KIAA0825: variants seen among roughly 807,000 people sequenced by gnomAD.
The protein encoded by KIAA0825 is uncharacterized protein KIAA0825.
Under a neutral mutation model 147.6 loss-of-function variants are expected in KIAA0825, and 119 were observed. The observed-to-expected ratio is 0.81, with a 90% CI of 0.69 to 0.94. KIAA0825 has a LOEUF of 0.94. Among genes scored for constraint, KIAA0825 ranks in the 40% least tolerant of loss-of-function variants. The pLI, the probability that KIAA0825 is intolerant of heterozygous loss-of-function variation, is 0.00. For synonymous variants in KIAA0825, 470 were observed against 518.1 expected (o/e 0.91, Z 1.26); for missense variants, 1,381 against 1,472.7 (o/e 0.94, Z 1.02).
chr5:94,600,153 C>G (rs1184089341), intron 1 of KIAA0825, among the ~76,000 whole-genome samples: 13 of 152,080 alleles, frequency 8.5e-5, no homozygotes, highest in Admixed American at 8.5e-4. Flanking sequence ...TGCATTAAAT[C>G]TGTAGATTAA....
At chr5:94,516,110 T>A (rs1247559672) in intron 5 of KIAA0825, among the ~76,000 whole-genome samples, 1 of 152,184 alleles carries the variant, frequency 6.6e-6, no homozygotes, top group Non-Finnish European at 1.5e-5. Context: ...TACCATACAA[T>A]ACCAAGATGT....
At chr5:94,459,604 G>A (rs1759556286) in intron 12 of KIAA0825, among the ~76,000 whole-genome samples, 3 of 152,160 alleles carry the variant, frequency 2.0e-5, no homozygotes, top group African/African-American at 7.2e-5. Context: ...AAAGCCTTAT[G>A]AGTGACAACA....
At chr5:94,602,629 T>G (rs774888475) in intron 1 of KIAA0825, among the ~76,000 whole-genome samples, 76 of 152,258 alleles carry the variant, frequency 5.0e-4, no homozygotes, top group Non-Finnish European at 7.4e-4. Context: ...TATAACGGGC[T>G]TCCCTCTTCA....
chr5:94,335,890 CATA>C (rs1450511918), intron 20 of KIAA0825, among the ~76,000 whole-genome samples: 6 of 152,222 alleles, frequency 3.9e-5, no homozygotes, highest in African/African-American at 1.4e-4. Context: ...GCCAGACTGC[CATA>C]ATATTTTAAA....
At chr5:94,195,675 T>G (rs1771070970) in intron 20 of KIAA0825, among the ~76,000 whole-genome samples, 1 of 152,082 alleles carries the variant, frequency 6.6e-6, no homozygotes, top group Admixed American at 6.5e-5. Flanking sequence ...AAATTTAATT[T>G]TATCCAGTTT....
At chr5:94,552,351 A>G (rs529258074) in intron 2 of KIAA0825, among the ~76,000 whole-genome samples, 1 of 152,276 alleles carries the variant, frequency 6.6e-6, no homozygotes, top group South Asian at 2.1e-4. Context: ...TCAGCACTGG[A>G]AAGATCATCT....
intron 3 of KIAA0825, 110 bp from the exon 4 acceptor site, chr5:94,524,208 T>G (rs1768819213): frequency 1.9e-6 from 1 of 529,148 alleles, no homozygotes; most frequent in African/African-American, 2.0e-5. Context: ...TTTGTACAAT[T>G]TACAAATTCA....
chr5:94,266,810 T>C (rs1369755664), intron 20 of KIAA0825, among the ~76,000 whole-genome samples: 1 of 152,218 alleles, frequency 6.6e-6, no homozygotes, highest in Non-Finnish European at 1.5e-5. Flanking sequence ...ATTCAGCACA[T>C]TTAAACTTCT....
intron 1 of KIAA0825, among the ~76,000 whole-genome samples, chr5:94,597,556 A>T (rs903029579): frequency 2.0e-5 from 3 of 152,204 alleles, no homozygotes; most frequent in African/African-American, 7.2e-5. Context: ...AACAAAGGAA[A>T]GAAACCTTTC....
chr5:94,174,147 G>A (rs909874064), intron 20 of KIAA0825, among the ~76,000 whole-genome samples: 3 of 152,070 alleles, frequency 2.0e-5, no homozygotes, highest in African/African-American at 7.2e-5. Context: ...AGTTTTAATA[G>A]TTTATCATTT....
intron 17 of KIAA0825, among the ~76,000 whole-genome samples, chr5:94,392,827 G>A (rs189996815): frequency 8.0e-4 from 122 of 152,198 alleles, no homozygotes; most frequent in Non-Finnish European, 1.2e-3. Flanking sequence ...AAAAGAGGAG[G>A]AACTTTAAGA....
chr5:94,388,802 G>T (rs1056261919), intron 18 of KIAA0825, among the ~76,000 whole-genome samples: 1 of 152,068 alleles, frequency 6.6e-6, no homozygotes, highest in Non-Finnish European at 1.5e-5. Flanking sequence ...CACTAATTGG[G>T]CCATATCTTT....
At chr5:94,372,615 A>G (rs1746879215) in intron 20 of KIAA0825, among the ~76,000 whole-genome samples, 1 of 152,196 alleles carries the variant, frequency 6.6e-6, no homozygotes, top group African/African-American at 2.4e-5. Context: ...AGGGCTGCAC[A>G]GAGGAGGGGG....
intron 20 of KIAA0825, among the ~76,000 whole-genome samples, chr5:94,325,188 G>T (rs1780561409): frequency 6.6e-6 from 1 of 151,846 alleles, no homozygotes. Context: ...TAAAGTCTTA[G>T]AATAAAATAC....
At chr5:94,475,556 C>T (rs763104033) in intron 7 of KIAA0825, among the ~76,000 whole-genome samples, 4 of 152,134 alleles carry the variant, frequency 2.6e-5, no homozygotes, top group Non-Finnish European at 4.4e-5. Flanking sequence ...GCCTATAATC[C>T]CAGCACTTTG....
intron 13 of KIAA0825, among the ~76,000 whole-genome samples, chr5:94,444,482 AT>A (rs1379148244): frequency 2.0e-5 from 3 of 152,012 alleles, no homozygotes; most frequent in Non-Finnish European, 2.9e-5. Flanking sequence ...CAATTATCAC[AT>A]TCAGAAGACT....
intron 13 of KIAA0825, among the ~76,000 whole-genome samples, chr5:94,450,441 C>T (rs1758257602): frequency 6.7e-6 from 1 of 149,832 alleles, no homozygotes; most frequent in African/African-American, 2.5e-5. Flanking sequence ...AAAAGAATAA[C>T]ACAGACTGGG....
intron 7 of KIAA0825, among the ~76,000 whole-genome samples, chr5:94,475,762 T>C (rs1233962009): frequency 6.6e-6 from 1 of 152,078 alleles, no homozygotes; most frequent in African/African-American, 2.4e-5. Flanking sequence ...TGAGCTGAGA[T>C]TGCACCACTG....
intron 20 of KIAA0825, among the ~76,000 whole-genome samples, chr5:94,176,013 A>T (rs1769060729): frequency 6.6e-6 from 1 of 152,028 alleles, no homozygotes. Flanking sequence ...AATTTATTAA[A>T]TTTTTTTATT....
Sources: allele counts gnomAD v4.1 joint callset (sites outside exome capture counted in the v4.1 genomes callset), GRCh38; gene constraint gnomAD v4.1.1; transcripts MANE v1.5; gene names NCBI Gene and HGNC (gene_info 2026-07-23, HGNC 2026-07-21).